The following SPATA6L variants were observed in gnomAD, a reference collection of about 807,000 sequenced individuals.
SPATA6L encodes the protein spermatogenesis associated 6 like.
Under a neutral mutation model 49.2 loss-of-function variants are expected in SPATA6L, and 68 were observed. The ratio of observed to expected loss-of-function variants is 1.38; its 90% CI spans 1.14 to 1.69. SPATA6L has a LOEUF of 1.69. SPATA6L is among the 40% of genes most tolerant of loss of function. SPATA6L has a pLI of 0.00. For synonymous variants in SPATA6L, 198 were observed against 165.7 expected, an observed-to-expected ratio of 1.19 and a Z score of -1.50; for missense variants, 668 against 464.3, an observed-to-expected ratio of 1.44 and a Z score of -4.03.
rs920608451 is a variant in SPATA6L, at chr9:4,599,726, C to A, written c.*1085G>T. ...CTCCCTTGAGCCTATTTATAGGGCA[C>A]TAATCTCATTTATGAGGGGTCCACC... On this transcript the variant is annotated 3_prime_UTR_variant, in exon 12 of 12. Coordinates refer to ENST00000682582, the MANE Select transcript of SPATA6L (RefSeq NM_001353486.2). Among the ~76,000 whole-genome samples, 2 of 152,174 alleles carry A rather than the reference C, an allele frequency of 1.3e-5. No homozygotes were observed. Among genetic ancestry groups the A allele is most frequent in the East Asian group, 3.9e-4 (2 of 5,186 alleles).
chr9:4,619,093 G>A (rs7865456), intron 7 of SPATA6L, among the ~76,000 whole-genome samples, 195 bp from the exon 8 acceptor site: 2 of 151,926 alleles, frequency 1.3e-5, no homozygotes, highest in Admixed American at 6.6e-5. Flanking sequence ...CGGGTTGTGG[G>A]GGTTTTTTGC....
chr9:4,615,931 A>T (rs1487667072), intron 9 of SPATA6L, among the ~76,000 whole-genome samples: 2 of 152,186 alleles, frequency 1.3e-5, no homozygotes, highest in Non-Finnish European at 2.9e-5. Flanking sequence ...TTGTGGCTGT[A>T]TGCAGATGGA....
intron 2 of SPATA6L, among the ~76,000 whole-genome samples, chr9:4,657,757 G>C (rs7848239): frequency 0.43 from 65,395 of 151,798 alleles, 14,220 homozygotes; most frequent in East Asian, 0.64. Context: ...TTAGAGATCA[G>C]CTGGCAGTTT....
At chr9:4,640,685 G>A (rs191366679) in intron 3 of SPATA6L, among the ~76,000 whole-genome samples, 1 of 151,890 alleles carries the variant, frequency 6.6e-6, no homozygotes, top group African/African-American at 2.4e-5. Flanking sequence ...TGTAGATCAT[G>A]TGCAAAGTAT....
At chr9:4,657,369 T>C (rs1312012569) in intron 2 of SPATA6L, among the ~76,000 whole-genome samples, 1 of 152,128 alleles carries the variant, frequency 6.6e-6, no homozygotes, top group Admixed American at 6.5e-5. Flanking sequence ...CAAAAATTCA[T>C]GGAATGAAGT....
At chr9:4,655,022 G>C (rs1283372944) in intron 3 of SPATA6L, among the ~76,000 whole-genome samples, 2 of 152,104 alleles carry the variant, frequency 1.3e-5, no homozygotes, top group African/African-American at 4.8e-5. Context: ...GTATCAATAT[G>C]ACCCAGCAAT....
intron 5 of SPATA6L, chr9:4,627,235 AG>A (rs1830518307): frequency 6.5e-6 from 1 of 154,272 alleles, no homozygotes; most frequent in Admixed American, 6.4e-5. Context: ...AACAGCATTA[AG>A]ATGGTAGAAT....
At chr9:4,606,352 G>A (rs1825031922) in intron 9 of SPATA6L, among the ~76,000 whole-genome samples, 1 of 138,644 alleles carries the variant, frequency 7.2e-6, no homozygotes, top group African/African-American at 2.8e-5. Flanking sequence ...GCAGGGCACA[G>A]ACAAACAAAA....
intron 3 of SPATA6L, among the ~76,000 whole-genome samples, chr9:4,654,292 C>G (rs1837589907): frequency 6.6e-6 from 1 of 152,190 alleles, no homozygotes; most frequent in Non-Finnish European, 1.5e-5. Flanking sequence ...GGGAAAAGCT[C>G]CTTTGTCCCC....
chr9:4,635,216 C>G, intron 4 of SPATA6L, 59 bp downstream of exon 4: 3 of 1,444,200 alleles, frequency 2.1e-6, no homozygotes, highest in Non-Finnish European at 2.7e-6. Flanking sequence ...AGGAATAAAA[C>G]GTTCAGGTCC....
At chr9:4,654,158 C>A (rs1443616595) in intron 3 of SPATA6L, among the ~76,000 whole-genome samples, 1 of 152,172 alleles carries the variant, frequency 6.6e-6, no homozygotes, top group Non-Finnish European at 1.5e-5. Flanking sequence ...TAACAAGTGT[C>A]GGCCAGGATG....
At chr9:4,592,292 G>T (rs1165085254) in intron 13 of SPATA6L, among the ~76,000 whole-genome samples, 7 of 145,794 alleles carry the variant, frequency 4.8e-5, no homozygotes, top group African/African-American at 1.8e-4. Context: ...TCCAGCCTGG[G>T]TGACAGAGGG....
intron 5 of SPATA6L, chr9:4,628,814 G>C (rs1830851620): frequency 6.5e-6 from 2 of 309,524 alleles, no homozygotes; most frequent in Non-Finnish European, 5.9e-6. Flanking sequence ...AATAACAAAA[G>C]CTAATTAGCT....
At chr9:4,602,732 T>C (rs1013433956) in intron 11 of SPATA6L, among the ~76,000 whole-genome samples, 5 of 152,162 alleles carry the variant, frequency 3.3e-5, no homozygotes, top group Non-Finnish European at 5.9e-5. Flanking sequence ...TGGATTTCCA[T>C]GTAAGATTAC....
chr9:4,614,606 A>G (rs567740695), intron 9 of SPATA6L, among the ~76,000 whole-genome samples: 1 of 152,114 alleles, frequency 6.6e-6, no homozygotes, highest in African/African-American at 2.4e-5. Flanking sequence ...TTTTTAAAAT[A>G]TTATCTTCAG....
chr9:4,660,981 T>C (rs1049447360), intron 2 of SPATA6L, among the ~76,000 whole-genome samples: 3 of 151,540 alleles, frequency 2.0e-5, no homozygotes, highest in African/African-American at 7.3e-5. Context: ...AATTGAACAA[T>C]GACAACACTT....
chr9:4,621,865 A>T (rs1173288955), intron 7 of SPATA6L, among the ~76,000 whole-genome samples: 1 of 152,178 alleles, frequency 6.6e-6, no homozygotes, highest in African/African-American at 2.4e-5. Context: ...CCACATCAAG[A>T]AAAGCTCTTT....
rs2273900 is a variant in SPATA6L at position 4,635,525 on chromosome 9, A to T, written c.227-126T>A. On this transcript the variant is annotated intron_variant, in intron 3 of 11. Transcript: ENST00000682582. ...AAAATAGACATATTGATCCTAGCAC[A>T]TGTTATTCAAGAGGAGACTAATTTC... 6.7e-6 allele frequency: 6 copies of T among 892,850 alleles called. No individual in the cohort carries two copies. In the East Asian group the frequency reaches 2.0e-4, roughly 29 times the overall value. The allele number at this position is 892,850 out of a possible 1,614,324, so 55.3% of individuals were successfully genotyped here.
At chr9:4,660,741 T>C (rs925714097) in intron 2 of SPATA6L, among the ~76,000 whole-genome samples, 4 of 152,238 alleles carry the variant, frequency 2.6e-5, no homozygotes, top group South Asian at 2.1e-4. Context: ...CGTATGTTTA[T>C]TGCAGCACTA....
Sources: gnomAD v4.1 joint callset for allele counts (sites outside exome capture counted in the v4.1 genomes callset) on GRCh38, gnomAD v4.1.1 for gene constraint, MANE v1.5 for transcripts, NCBI Gene and HGNC (gene_info 2026-07-23, HGNC 2026-07-21) for gene names.